The following NOP9 variants were observed in gnomAD, a reference collection of about 807,000 sequenced individuals.
NOP9 encodes nucleolar protein 9.
NOP9 carries 50 observed loss-of-function variants against 63.0 expected under a neutral mutation model. The observed-to-expected ratio is 0.79, with a 90% CI of 0.63 to 1.00. The LOEUF is 1.00. Among genes scored for constraint, NOP9 ranks in the 50% least tolerant of loss-of-function variants. NOP9 has a pLI of 0.00. For synonymous variants in NOP9, 343 were observed against 332.8 expected, an observed-to-expected ratio of 1.03 and a Z score of -0.33; for missense variants, 758 against 803.0, an observed-to-expected ratio of 0.94 and a Z score of 0.68.
At chr14:24,291,099 G>T in the NOP9 span, 1 of 1,613,374 alleles carries the variant, frequency 6.2e-7, no homozygotes, top group South Asian at 1.1e-5. Context: ...GGAACAGAGG[G>T]AACAGCAGTC....
At chr14:24,272,620 T>A in the NOP9 span, among the ~76,000 whole-genome samples, 2 of 152,228 alleles carry the variant, frequency 1.3e-5, no homozygotes, top group Non-Finnish European at 2.9e-5. Flanking sequence ...TTTGACGTCA[T>A]ATCTGTGCCT....
chr14:24,301,920 T>A, intron 3 of NOP9, 45 bp from the exon 4 acceptor site: 1 of 1,589,222 alleles, frequency 6.3e-7, no homozygotes, highest in Non-Finnish European at 8.6e-7. Flanking sequence ...ACGCAGGTTG[T>A]CTGGATTTTG....
intron 3 of NOP9, 28 bp downstream of exon 3, chr14:24,301,750 C>T (rs766559764): frequency 1.2e-5 from 19 of 1,610,062 alleles, no homozygotes; most frequent in Admixed American, 6.7e-5. Context: ...AGGATGGTCT[C>T]GTATCTACTT....
In NOP9 at chr14:24,299,893, G is replaced by A. The variant is rs2041334300; in HGVS notation, c.-62G>A. On this transcript the variant is annotated 5_prime_UTR_variant, in exon 1 of 10. Coordinates refer to ENST00000267425, the MANE Select transcript of NOP9 (RefSeq NM_174913.3). ...TGTCTGGATAAGGCGCACGCTTGGCGACGTCGAAGGTCCGTCCGCAGTTAA... is the reference window on the plus strand; with the variant it reads ...TGTCTGGATAAGGCGCACGCTTGGCAACGTCGAAGGTCCGTCCGCAGTTAA... 1.1e-5 allele frequency: 16 copies of A among 1,494,532 alleles called. 1 individual carries two copies. The South Asian group carries it at 1.9e-4, about 18-fold the overall frequency. 92.6% of individuals were successfully genotyped at this position (1,494,532 alleles called of 1,614,324 possible).
chr14:24,291,204 C>G, the NOP9 span: 1 of 1,614,164 alleles, frequency 6.2e-7, no homozygotes. Context: ...ACCACTCAGG[C>G]TCAGGATATT....
chr14:24,282,859 G>A, the NOP9 span, among the ~76,000 whole-genome samples: 2 of 152,158 alleles, frequency 1.3e-5, no homozygotes, highest in African/African-American at 4.8e-5. Context: ...GGTGGCTGGC[G>A]ATCCCTTGGC....
At chr14:24,282,480 C>T in the NOP9 span, among the ~76,000 whole-genome samples, 1 of 152,282 alleles carries the variant, frequency 6.6e-6, no homozygotes, top group East Asian at 1.9e-4. Context: ...ACACAGGTCT[C>T]TGATGATAGG....
upstream of NOP9, among the ~76,000 whole-genome samples, chr14:24,295,087 T>A (rs942278320): frequency 4.6e-5 from 7 of 152,234 alleles, no homozygotes; most frequent in Admixed American, 3.3e-4. Flanking sequence ...GTACATATTC[T>A]TTGATCTAAG....
At chr14:24,288,959 G>A in the NOP9 span, among the ~76,000 whole-genome samples, 1 of 151,454 alleles carries the variant, frequency 6.6e-6, no homozygotes, top group Non-Finnish European at 1.5e-5. Flanking sequence ...GACCACAGGT[G>A]CATTCCACCA....
rs760319417 is a variant in NOP9 at position 24,304,591 on chromosome 14, T to C, written c.1746T>C (p.Ala582=). The change falls in exon 9 of 10, where the codon GCT becomes GCC. Residue 582 remains alanine (A), a synonymous_variant. Coordinates refer to ENST00000267425, the MANE Select transcript of NOP9 (RefSeq NM_174913.3). Reference sequence around the variant, plus strand: ...TGAGGGCCCGGAAGGAAATTGCTGCTGAGCTTGGTGAGTACCAGCCCCTCT... The same window carrying C: ...TGAGGGCCCGGAAGGAAATTGCTGCCGAGCTTGGTGAGTACCAGCCCCTCT... ...AALRARKEIA[A]ELGEQNQELI... is the part of the protein sequence containing the mutation. The C allele has an allele frequency of 6.2e-7, 1 of 1,607,388 alleles. No homozygotes were observed. Among genetic ancestry groups the C allele is most frequent in the Admixed American group, 1.7e-5 (1 of 58,932 alleles).
chr14:24,279,674 G>A, the NOP9 span, among the ~76,000 whole-genome samples: 1 of 152,228 alleles, frequency 6.6e-6, no homozygotes, highest in South Asian at 2.1e-4. Context: ...TCTGTGACAG[G>A]AGCCAGGCAC....
Position 24,307,794 on chromosome 14 carries a change from G to T in NOP9, c.*2699G>T, listed in dbSNP as rs142496946. On this transcript the variant is annotated 3_prime_UTR_variant, in exon 10 of 10. Transcript: ENST00000267425. ...TGCCTATATCCCCTAAAGGTGGAGG[G>T]TAGAGCGGAGGGTTAGCAGTCACCT... 3.1e-4 allele frequency: 487 copies of T among 1,584,840 alleles called. 2 individuals carry two copies. The highest frequency in any genetic ancestry group is 2.4e-4 in the Non-Finnish European group (284 of 1,164,152).
At position 24,306,217 on chromosome 14, in the gene NOP9, C is replaced by G. The variant is rs980638686; in HGVS notation, c.*1122C>G. ...ATCTCCATCAGCACTGGGTCAGACC[C>G]TCCCTCGCTTGGACTTTCTGTCCAC... On this transcript the variant is annotated 3_prime_UTR_variant, in exon 10 of 10. Coordinates refer to ENST00000267425, the MANE Select transcript of NOP9 (RefSeq NM_174913.3). 50 of 1,539,268 alleles carry G rather than the reference C, an allele frequency of 3.2e-5. No individual in the cohort carries two copies. The highest frequency in any genetic ancestry group is 4.3e-5 in the Non-Finnish European group (48 of 1,124,116).
Position 24,306,318 on chromosome 14 carries a change from C to T in NOP9, c.*1223C>T, listed in dbSNP as rs118009919. On this transcript the variant is annotated 3_prime_UTR_variant, in exon 10 of 10. Coordinates refer to ENST00000267425, the MANE Select transcript of NOP9 (RefSeq NM_174913.3). ...GATCAGGGTTAAGCTAGAGAGGAAG[C>T]CCGGGAAAGCTCTAAAGGACAGGCA... 5.6e-3 allele frequency: 9,016 copies of T among 1,607,174 alleles called. 27 individuals carry two copies. The highest frequency in any genetic ancestry group is 6.3e-3 in the Non-Finnish European group (7,421 of 1,174,462).
At position 24,307,114 on chromosome 14, in the gene NOP9, C is replaced by T; in HGVS notation, c.*2019C>T. 1 of 386,238 alleles carries T rather than the reference C, an allele frequency of 2.6e-6. No homozygotes were observed. Among genetic ancestry groups the T allele is most frequent in the Non-Finnish European group, 4.7e-6 (1 of 214,292 alleles). The allele number at this position is 386,238 out of a possible 1,614,324, so 23.9% of individuals were successfully genotyped here. A position where few individuals can be genotyped will look rare whatever the true frequency, so the allele number is the denominator to read the frequency against. On this transcript the variant is annotated 3_prime_UTR_variant, in exon 10 of 10. Transcript: ENST00000267425. The stretch of plus-strand genomic sequence containing the variant: ...GAACTTGATTTGTCACACAAATCAC[C>T]TTTCCATACTAGCTTCTGAATTCTG...
the NOP9 span, among the ~76,000 whole-genome samples, chr14:24,279,551 G>A: frequency 6.6e-6 from 1 of 152,360 alleles, no homozygotes; most frequent in African/African-American, 2.4e-5. Flanking sequence ...CTCCCAGGGT[G>A]TGGTGGGTAC....
the NOP9 span, chr14:24,292,668 C>G: frequency 6.2e-7 from 1 of 1,614,250 alleles, no homozygotes. Context: ...TTTGCCCACA[C>G]CATAGGGGAC....
chr14:24,288,452 C>T, the NOP9 span, among the ~76,000 whole-genome samples: 3 of 151,930 alleles, frequency 2.0e-5, no homozygotes, highest in Non-Finnish European at 2.9e-5. Flanking sequence ...CGGGTTCAAG[C>T]GATTCTCCTG....
the NOP9 span, among the ~76,000 whole-genome samples, chr14:24,284,433 A>T: frequency 1.3e-5 from 2 of 152,170 alleles, no homozygotes; most frequent in African/African-American, 4.8e-5. Flanking sequence ...GGATTAGAGC[A>T]CAGGGGCCAG....
Sources: allele counts gnomAD v4.1 joint callset (sites outside exome capture counted in the v4.1 genomes callset), GRCh38; gene constraint gnomAD v4.1.1; transcripts MANE v1.5; gene names NCBI Gene and HGNC (gene_info 2026-07-23, HGNC 2026-07-21).